DAG1: variants seen among roughly 807,000 people sequenced by gnomAD.
DAG1 encodes dystroglycan 1, also known as dystroglycan 1 (dystrophin-associated glycoprotein 1).
DAG1 carries 8 observed loss-of-function variants against 46.1 expected under a neutral mutation model. The observed-to-expected ratio is 0.17, with a 90% CI of 0.10 to 0.31. DAG1 has a LOEUF of 0.31. DAG1 is among the 10% of genes least tolerant of loss of function. DAG1 has a pLI of 1.00. For synonymous variants in DAG1, 495 were observed against 481.8 expected (o/e 1.03, Z -0.36); for missense variants, 1,003 against 1,189.9 (o/e 0.84, Z 2.31).
chr3:49,490,989 G>C (rs990860429), intron 1 of DAG1, among the ~76,000 whole-genome samples: 2 of 148,966 alleles, frequency 1.3e-5, no homozygotes, highest in Non-Finnish European at 3.0e-5. Context: ...AGGTTCAAGC[G>C]ATTTTCCTGC....
chr3:49,478,788 T>C (rs2049772940), intron 1 of DAG1, among the ~76,000 whole-genome samples: 1 of 138,100 alleles, frequency 7.2e-6, no homozygotes, highest in African/African-American at 2.7e-5. Context: ...GAAAAGTCTC[T>C]TGTCGTCCCC....
chr3:49,483,462 C>T (rs894098801), intron 1 of DAG1, among the ~76,000 whole-genome samples: 3 of 152,088 alleles, frequency 2.0e-5, no homozygotes, highest in African/African-American at 7.2e-5. Flanking sequence ...CCTCGGCCTT[C>T]TAAAGTGCTG....
chr3:49,486,524 C>CT (rs1043310368), intron 1 of DAG1, among the ~76,000 whole-genome samples: 11 of 147,734 alleles, frequency 7.4e-5, no homozygotes, highest in African/African-American at 2.3e-4. Flanking sequence ...GGCCCTTTTT[C>CT]TTTTTTTTGA....
intron 1 of DAG1, among the ~76,000 whole-genome samples, chr3:49,485,321 G>T (rs138075479): frequency 2.0e-5 from 3 of 152,232 alleles, no homozygotes; most frequent in South Asian, 2.1e-4. Context: ...GCAGTGGTGC[G>T]ATCTTGGCTC....
chr3:49,529,151 CAAT>C (rs1333323667), intron 2 of DAG1, among the ~76,000 whole-genome samples: 1 of 151,580 alleles, frequency 6.6e-6, no homozygotes, highest in Non-Finnish European at 1.5e-5. Context: ...ATGCCTGGCC[CAAT>C]AATAATAATT....
At chr3:49,527,121 G>A (rs2051193694) in intron 2 of DAG1, among the ~76,000 whole-genome samples, 1 of 152,158 alleles carries the variant, frequency 6.6e-6, no homozygotes. Context: ...GCCGGGTGCG[G>A]TGGCTCATGC....
At chr3:49,527,572 G>A (rs1342735996) in intron 2 of DAG1, among the ~76,000 whole-genome samples, 9 of 151,674 alleles carry the variant, frequency 5.9e-5, no homozygotes, top group East Asian at 1.9e-4. Context: ...GCGTGGTGGC[G>A]GGCGCCTGTA....
In DAG1 at chr3:49,531,994, C is replaced by G; in HGVS notation, c.1483C>G (p.Gln495Glu). 6.2e-7 allele frequency: 1 copy of G among 1,614,182 alleles called. No homozygotes were observed. Among genetic ancestry groups the G allele is most frequent in the Non-Finnish European group, 8.5e-7 (1 of 1,180,022 alleles). The change falls in exon 3 of 3, where the codon CAG (glutamine) becomes GAG (glutamate). Residue 495 changes from glutamine to glutamate, a missense_variant. Coordinates refer to ENST00000308775, the MANE Select transcript of DAG1 (RefSeq NM_004393.6). The surrounding 1 kb of genome is among the most constrained non-coding windows in gnomAD (Gnocchi z 7.0). The stretch of plus-strand genomic sequence containing the variant: ...AGTGCCCCGTGGCGGAGAACCCAAC[C>G]AGCGCCCAGAGCTCAAGAACCATAT... ...SGVPRGGEPN[Q>E]RPELKNHIDR... is the part of the protein sequence containing the mutation.
At chr3:49,473,383 C>T (rs534952709) in intron 1 of DAG1, among the ~76,000 whole-genome samples, 1 of 152,044 alleles carries the variant, frequency 6.6e-6, no homozygotes, top group East Asian at 1.9e-4. Flanking sequence ...GATAGCGCCA[C>T]TGCAGTCCGG....
Position 49,532,428 on chromosome 3 carries a change from C to T in DAG1, c.1917C>T (p.Asp639=), listed in dbSNP as rs777632061. Residue 639 remains aspartate (D), a synonymous_variant, in exon 3 of 3, where the codon GAC becomes GAT. Coordinates refer to ENST00000308775, the MANE Select transcript of DAG1 (RefSeq NM_004393.6). This position sits in a 1 kb window ranked among gnomAD's most constrained non-coding sequence, Gnocchi z 5.4. Reference sequence around the variant, plus strand: ...AGAAACTGGCCTTCGCCTTTGGAGACCGAAACTGTAGCACCATCACCCTGC... The same window carrying T: ...AGAAACTGGCCTTCGCCTTTGGAGATCGAAACTGTAGCACCATCACCCTGC... The part of the protein sequence containing the change: ...LVKKLAFAFG[D]RNCSTITLQN... 2 of 1,614,208 alleles carry T rather than the reference C, an allele frequency of 1.2e-6. No individual in the cohort carries two copies. The highest frequency in any genetic ancestry group is 1.7e-6 in the Non-Finnish European group (2 of 1,180,042).
At chr3:49,522,766 G>A (rs534134189) in intron 2 of DAG1, among the ~76,000 whole-genome samples, 70 of 152,188 alleles carry the variant, frequency 4.6e-4, no homozygotes, top group African/African-American at 1.5e-3. Context: ...GAAGCACATC[G>A]TCTCTAAGGG....
intron 1 of DAG1, among the ~76,000 whole-genome samples, chr3:49,477,633 T>G (rs1288495162): frequency 6.6e-6 from 1 of 152,158 alleles, no homozygotes; most frequent in Non-Finnish European, 1.5e-5. Flanking sequence ...AAAGCTCTAT[T>G]GGATAATACA....
intron 1 of DAG1, among the ~76,000 whole-genome samples, chr3:49,502,602 C>T (rs994158821): frequency 6.6e-6 from 1 of 151,394 alleles, no homozygotes; most frequent in Non-Finnish European, 1.5e-5. Flanking sequence ...ATCAATCAAA[C>T]TATATCGTGC....
intron 1 of DAG1, among the ~76,000 whole-genome samples, chr3:49,481,508 G>A (rs955954336): frequency 6.6e-6 from 1 of 151,860 alleles, no homozygotes; most frequent in African/African-American, 2.4e-5. Context: ...TATTGTGCAC[G>A]TTTTCTGTAG....
At chr3:49,509,303 T>C (rs559534955) in intron 1 of DAG1, among the ~76,000 whole-genome samples, 1 of 152,276 alleles carries the variant, frequency 6.6e-6, no homozygotes, top group African/African-American at 2.4e-5. Context: ...AGTGGAGTGG[T>C]GTGCACCTGA....
rs1016898456 is a variant in DAG1 at position 49,470,420 on chromosome 3, C to G, written c.-130C>G. On this transcript the variant is annotated 5_prime_UTR_variant, in exon 1 of 3. Coordinates refer to ENST00000308775, the MANE Select transcript of DAG1 (RefSeq NM_004393.6). ...AGGAGCGAACACCTGCCGCGGTCCT[C>G]CCGCCGGCGCTGGGTGAGTGCACCG... is the stretch of plus-strand genomic sequence containing the variant. 4 of 152,238 alleles carry G rather than the reference C, an allele frequency of 2.6e-5. No homozygotes were observed. The highest frequency in any genetic ancestry group is 4.4e-5 in the Non-Finnish European group (3 of 68,080). 9.4% of individuals were successfully genotyped at this position (152,238 alleles called of 1,614,324 possible). A position where few individuals can be genotyped will look rare whatever the true frequency, so the allele number is the denominator to read the frequency against.
At chr3:49,514,243 A>C (rs2050835095) in intron 2 of DAG1, among the ~76,000 whole-genome samples, 1 of 152,170 alleles carries the variant, frequency 6.6e-6, no homozygotes. Context: ...TGCATCTGTA[A>C]AGCAGGATTT....
upstream of DAG1, among the ~76,000 whole-genome samples, chr3:49,469,476 T>G (rs1443001134): frequency 6.6e-6 from 1 of 152,072 alleles, no homozygotes; most frequent in Non-Finnish European, 1.5e-5. Context: ...CCCTCTCTTA[T>G]TTCTTCCCCC....
intron 1 of DAG1, among the ~76,000 whole-genome samples, chr3:49,478,428 C>CTA (rs1376701608): frequency 4.3e-5 from 2 of 46,904 alleles, no homozygotes; most frequent in African/African-American, 6.0e-5. Context: ...GACCCTGTCT[C>CTA]TACAAAAAAT....
Sources: allele counts gnomAD v4.1 joint callset (sites outside exome capture counted in the v4.1 genomes callset), GRCh38; gene constraint gnomAD v4.1.1; non-coding constraint Gnocchi (gnomAD v3.1); transcripts MANE v1.5; gene names NCBI Gene and HGNC (gene_info 2026-07-23, HGNC 2026-07-21).